Variants in PTPRD observed in about 807,000 individuals in gnomAD.
PTPRD encodes protein tyrosine phosphatase receptor type D.
Under a neutral mutation model 214.5 loss-of-function variants are expected in PTPRD, and 34 were observed. That is an observed-to-expected ratio of 0.16 (90% CI 0.12 to 0.21). The LOEUF is 0.21. Ranked by LOEUF, PTPRD falls within the 10% of genes least tolerant of loss-of-function variation. The pLI is 1.00. For synonymous variants in PTPRD, 1,128 were observed against 845.7 expected, an observed-to-expected ratio of 1.33 and a Z score of -5.79; for missense variants, 2,545 against 2,398.7, an observed-to-expected ratio of 1.06 and a Z score of -1.27.
chr9:10,347,867 G>C (rs1310179269), intron 2 of PTPRD, among the ~76,000 whole-genome samples: 1 of 152,002 alleles, frequency 6.6e-6, no homozygotes, highest in Non-Finnish European at 1.5e-5. Flanking sequence ...AGACCAGCCT[G>C]GCCAACATAG....
chr9:9,734,615 T>C (rs1257317774), intron 6 of PTPRD, 44 bp from the exon 7 acceptor site: 2 of 152,090 alleles, frequency 1.3e-5, no homozygotes, highest in South Asian at 2.1e-4. Flanking sequence ...ATAAGAGTTT[T>C]TGTTTCAGAA....
intron 11 of PTPRD, among the ~76,000 whole-genome samples, chr9:8,944,489 T>G (rs987405630): frequency 5.3e-5 from 8 of 152,192 alleles, no homozygotes; most frequent in African/African-American, 1.9e-4. Flanking sequence ...TATCCAAGAT[T>G]TGGAAGCAAC....
At chr9:9,253,995 T>A (rs914762738) in intron 9 of PTPRD, among the ~76,000 whole-genome samples, 1 of 152,110 alleles carries the variant, frequency 6.6e-6, no homozygotes, top group Non-Finnish European at 1.5e-5. Context: ...GTCTTCACAT[T>A]GCCTTCTCCT....
At chr9:8,684,782 T>C (rs374470416) in intron 12 of PTPRD, among the ~76,000 whole-genome samples, 1 of 152,162 alleles carries the variant, frequency 6.6e-6, no homozygotes, top group African/African-American at 2.4e-5. Flanking sequence ...GATTGCACTT[T>C]GACAAAAGTG....
intron 11 of PTPRD, among the ~76,000 whole-genome samples, chr9:9,016,811 T>C (rs1263559549): frequency 6.6e-6 from 1 of 152,156 alleles, no homozygotes; most frequent in East Asian, 1.9e-4. Context: ...TTCAAAGTAC[T>C]TTCAGAATGA....
At chr9:10,336,858 G>A (rs911537919) in intron 3 of PTPRD, among the ~76,000 whole-genome samples, 1 of 151,586 alleles carries the variant, frequency 6.6e-6, no homozygotes, top group Non-Finnish European at 1.5e-5. Flanking sequence ...CTGGAGCTTT[G>A]GAAGTTGGAT....
At chr9:9,211,796 C>G (rs937443607) in intron 9 of PTPRD, among the ~76,000 whole-genome samples, 2 of 149,568 alleles carry the variant, frequency 1.3e-5, no homozygotes, top group Non-Finnish European at 1.5e-5. Context: ...GCCTAAGAAA[C>G]TGGTACTATT....
intron 11 of PTPRD, among the ~76,000 whole-genome samples, chr9:8,796,165 A>C (rs868336987): frequency 6.6e-6 from 1 of 152,218 alleles, no homozygotes; most frequent in African/African-American, 2.4e-5. Flanking sequence ...ATGTTTATCT[A>C]TATCTGCATG....
At chr9:9,896,262 A>G (rs1202033090) in intron 5 of PTPRD, among the ~76,000 whole-genome samples, 1 of 152,094 alleles carries the variant, frequency 6.6e-6, no homozygotes, top group Non-Finnish European at 1.5e-5. Context: ...GCTGGAGCAA[A>G]TGAAAGACTT....
chr9:10,041,279 T>C (rs954342207), intron 3 of PTPRD, among the ~76,000 whole-genome samples: 1 of 151,994 alleles, frequency 6.6e-6, no homozygotes, highest in Non-Finnish European at 1.5e-5. Flanking sequence ...AGACTGACTA[T>C]ATCCTTGAAG....
chr9:10,560,918 C>A (rs1414970672), intron 2 of PTPRD, among the ~76,000 whole-genome samples: 1 of 152,200 alleles, frequency 6.6e-6, no homozygotes, highest in African/African-American at 2.4e-5. Flanking sequence ...TGACACAGAC[C>A]TCAGAGAGTG....
chr9:9,263,782 T>C (rs2099981188), intron 9 of PTPRD, among the ~76,000 whole-genome samples: 2 of 151,588 alleles, frequency 1.3e-5, no homozygotes, highest in African/African-American at 2.4e-5. Flanking sequence ...ATGGGAACAA[T>C]ACACACCACA....
intron 7 of PTPRD, among the ~76,000 whole-genome samples, 161 bp downstream of exon 7, chr9:9,734,372 T>C (rs1316696391): frequency 6.6e-6 from 1 of 152,098 alleles, no homozygotes; most frequent in Non-Finnish European, 1.5e-5. Flanking sequence ...GGTTAAGATG[T>C]AACTGGACTT....
chr9:9,779,542 C>G (rs760878313), intron 5 of PTPRD, among the ~76,000 whole-genome samples: 7 of 152,014 alleles, frequency 4.6e-5, no homozygotes, highest in Non-Finnish European at 1.0e-4. Flanking sequence ...AAAAAATGGA[C>G]AAAATATGTG....
intron 2 of PTPRD, among the ~76,000 whole-genome samples, chr9:10,542,185 A>G (rs1054879187): frequency 6.6e-6 from 1 of 152,154 alleles, no homozygotes; most frequent in Non-Finnish European, 1.5e-5. Context: ...TACTTAATAA[A>G]CACAGCTGCT....
intron 4 of PTPRD, among the ~76,000 whole-genome samples, chr9:9,983,736 CAATTTGAA>C (rs1400124416): frequency 2.6e-5 from 4 of 152,174 alleles, no homozygotes; most frequent in African/African-American, 9.7e-5. Flanking sequence ...ATGTGATCAA[CAATTTGAA>C]AAATACTGTC....
At chr9:9,276,483 G>A (rs1945697340) in intron 9 of PTPRD, among the ~76,000 whole-genome samples, 1 of 151,232 alleles carries the variant, frequency 6.6e-6, no homozygotes, top group East Asian at 2.0e-4. Context: ...AGATGGCAAT[G>A]GAAATTCTAG....
chr9:9,088,490 G>C (rs1044180045), intron 10 of PTPRD, among the ~76,000 whole-genome samples: 10 of 142,108 alleles, frequency 7.0e-5, no homozygotes, highest in Admixed American at 6.5e-4. Flanking sequence ...TGAGGCATGA[G>C]ATTTGTTTGA....
intron 4 of PTPRD, among the ~76,000 whole-genome samples, chr9:9,969,921 C>T (rs1356086116): frequency 6.6e-6 from 1 of 152,106 alleles, no homozygotes; most frequent in Non-Finnish European, 1.5e-5. Context: ...TCTAAGCCTC[C>T]CCAGCTTGCT....
Sources: allele counts gnomAD v4.1 joint callset (sites outside exome capture counted in the v4.1 genomes callset), GRCh38; gene constraint gnomAD v4.1.1; transcripts MANE v1.5; gene names NCBI Gene and HGNC (gene_info 2026-07-23, HGNC 2026-07-21).